The following CDH18 variants were observed in gnomAD, a reference collection of about 807,000 sequenced individuals.
CDH18 encodes the protein cadherin-18.
CDH18 carries 31 observed loss-of-function variants against 67.9 expected under a neutral mutation model. The ratio of observed to expected loss-of-function variants is 0.46; its 90% CI spans 0.34 to 0.62. The LOEUF is 0.62. Among genes scored for constraint, CDH18 ranks in the 20% least tolerant of loss-of-function variants. The pLI is 0.01. For missense variants in CDH18, 890 were observed against 975.5 expected (o/e 0.91, Z 1.17); for synonymous variants, 362 against 347.2 (o/e 1.04, Z -0.48).
At chr5:19,800,671 C>CATTG (rs1420719897) in intron 3 of CDH18, among the ~76,000 whole-genome samples, 1 of 151,966 alleles carries the variant, frequency 6.6e-6, no homozygotes, top group African/African-American at 2.4e-5. Context: ...TTGTGTAAAC[C>CATTG]ATTGGATTCT....
chr5:19,644,207 T>C (rs373490313), intron 5 of CDH18, among the ~76,000 whole-genome samples: 3 of 152,194 alleles, frequency 2.0e-5, no homozygotes, highest in African/African-American at 2.4e-5. Flanking sequence ...CTACTCAGCA[T>C]TGTAGCTGAG....
intron 5 of CDH18, among the ~76,000 whole-genome samples, chr5:19,618,346 C>T (rs1750166120): frequency 1.3e-5 from 2 of 151,912 alleles, no homozygotes; most frequent in African/African-American, 4.8e-5. Context: ...GCTGGGACTA[C>T]AGGCATGCAC....
intron 2 of CDH18, among the ~76,000 whole-genome samples, chr5:19,960,274 TTTTC>T (rs1175004135): frequency 9.2e-5 from 14 of 152,002 alleles, no homozygotes; most frequent in East Asian, 1.9e-4. Context: ...GTATAAAATA[TTTTC>T]TTTCTTTATC....
chr5:20,273,248 T>G (rs1489457725), intron 1 of CDH18, among the ~76,000 whole-genome samples: 2 of 152,104 alleles, frequency 1.3e-5, no homozygotes, highest in Non-Finnish European at 2.9e-5. Context: ...ATATGGTGCC[T>G]ATAAATATTA....
At chr5:19,603,076 C>A (rs908206751) in intron 6 of CDH18, among the ~76,000 whole-genome samples, 4 of 152,168 alleles carry the variant, frequency 2.6e-5, no homozygotes, top group Admixed American at 2.6e-4. Context: ...ATATTCACAG[C>A]CACCTTACTC....
chr5:19,601,075 A>G (rs908909622), intron 6 of CDH18, among the ~76,000 whole-genome samples: 22 of 152,182 alleles, frequency 1.4e-4, no homozygotes, highest in Non-Finnish European at 7.3e-5. Flanking sequence ...AACTAAGGAA[A>G]AAATAAATTC....
chr5:20,450,085 C>T (rs1750316249), intron 1 of CDH18, among the ~76,000 whole-genome samples: 1 of 151,868 alleles, frequency 6.6e-6, no homozygotes, highest in Admixed American at 6.6e-5. Flanking sequence ...CACATGTAAT[C>T]CCAGCACTTT....
chr5:19,855,426 G>A (rs1032911137), intron 2 of CDH18, among the ~76,000 whole-genome samples: 3 of 152,204 alleles, frequency 2.0e-5, no homozygotes, highest in South Asian at 4.2e-4. Flanking sequence ...TTTGGGGGTG[G>A]ATGAAAATCA....
intron 1 of CDH18, among the ~76,000 whole-genome samples, chr5:20,257,680 T>C (rs1312125976): frequency 2.6e-5 from 4 of 152,180 alleles, no homozygotes; most frequent in African/African-American, 9.6e-5. Flanking sequence ...TTCAATTTCC[T>C]GCATTGTACA....
chr5:20,473,771 T>C (rs577101286), intron 1 of CDH18, among the ~76,000 whole-genome samples: 1 of 152,306 alleles, frequency 6.6e-6, no homozygotes, highest in East Asian at 1.9e-4. Flanking sequence ...TTGGTTATTG[T>C]TGTGGTTGCC....
At chr5:19,558,478 C>T (rs1369789256) in intron 8 of CDH18, among the ~76,000 whole-genome samples, 1 of 151,906 alleles carries the variant, frequency 6.6e-6, no homozygotes, top group Non-Finnish European at 1.5e-5. Context: ...ACTGATACCA[C>T]AGACATACAA....
At chr5:20,157,915 C>T (rs189215395) in intron 2 of CDH18, among the ~76,000 whole-genome samples, 5 of 152,274 alleles carry the variant, frequency 3.3e-5, no homozygotes, top group African/African-American at 1.2e-4. Context: ...GCTGGGATTA[C>T]AGGCATGTGC....
rs762875349 is a variant in CDH18, at chr5:20,410,912, T to C, written c.-579-155407A>G. 2.8e-4 allele frequency among the ~76,000 whole-genome samples: 42 copies of C among 151,752 alleles called. 1 individual carries two copies. Among genetic ancestry groups the C allele is most frequent in the Non-Finnish European group, 8.9e-5 (6 of 67,778 alleles). On this transcript the variant is annotated intron_variant, in intron 1 of 14. Transcript: ENST00000507958. ...GTTAACTAAAGAGGCAAAAATCTTA[T>C]CCTGAAAACTAAAAACTACAGAACA... is the stretch of plus-strand genomic sequence containing the variant.
intron 4 of CDH18, among the ~76,000 whole-genome samples, chr5:19,728,187 A>G (rs1169484884): frequency 6.6e-6 from 1 of 152,190 alleles, no homozygotes; most frequent in Non-Finnish European, 1.5e-5. Context: ...TTAAACCAAC[A>G]GTTCCCCTCC....
intron 1 of CDH18, among the ~76,000 whole-genome samples, chr5:20,491,860 A>G (rs1370366887): frequency 6.6e-6 from 1 of 152,202 alleles, no homozygotes; most frequent in Admixed American, 6.5e-5. Flanking sequence ...TAACCATCAC[A>G]GGGAACCTTC....
intron 2 of CDH18, among the ~76,000 whole-genome samples, chr5:19,932,247 T>G (rs1793776452): frequency 6.6e-6 from 1 of 151,740 alleles, no homozygotes; most frequent in Non-Finnish European, 1.5e-5. Context: ...TGCACAAAGC[T>G]TTTCACAGAA....
intron 2 of CDH18, among the ~76,000 whole-genome samples, chr5:20,204,034 T>G (rs567520445): frequency 6.6e-6 from 1 of 152,052 alleles, no homozygotes; most frequent in South Asian, 2.1e-4. Context: ...ATATAAGAAT[T>G]ATTAATGTTC....
intron 3 of CDH18, among the ~76,000 whole-genome samples, chr5:19,760,290 A>C (rs958731053): frequency 6.6e-6 from 1 of 152,128 alleles, no homozygotes; most frequent in Non-Finnish European, 1.5e-5. Flanking sequence ...GCCGTCAAAA[A>C]TCTATTTCAC....
At chr5:20,200,100 T>C (rs1301218679) in intron 2 of CDH18, among the ~76,000 whole-genome samples, 1 of 152,216 alleles carries the variant, frequency 6.6e-6, no homozygotes, top group East Asian at 1.9e-4. Context: ...ACAAAAATGA[T>C]GTCAAATATT....
Sources: gnomAD v4.1 joint callset for allele counts (sites outside exome capture counted in the v4.1 genomes callset) on GRCh38, gnomAD v4.1.1 for gene constraint, MANE v1.5 for transcripts, NCBI Gene and HGNC (gene_info 2026-07-23, HGNC 2026-07-21) for gene names.